Variants in ETV5 observed in about 807,000 individuals in gnomAD.
ETV5 encodes the protein ETS variant transcription factor 5, also known as ETS translocation variant 5.
ETV5 carries 10 observed loss-of-function variants against 70.0 expected under a neutral mutation model. The observed-to-expected ratio is 0.14, with a 90% CI of 0.09 to 0.24. ETV5 has a LOEUF of 0.24. Among genes scored for constraint, ETV5 ranks in the 10% least tolerant of loss-of-function variants. ETV5 has a pLI of 1.00. For synonymous variants in ETV5, 216 were observed against 242.2 expected, an observed-to-expected ratio of 0.89 and a Z score of 1.01; for missense variants, 453 against 651.2, an observed-to-expected ratio of 0.70 and a Z score of 3.31.
chr3:186,100,003 A>G (rs1462252722), intron 5 of ETV5, among the ~76,000 whole-genome samples: 1 of 152,220 alleles, frequency 6.6e-6, no homozygotes, highest in Non-Finnish European at 1.5e-5. Context: ...AGATTTTGTA[A>G]AACAGATGGC....
chr3:186,097,163 T>C (rs747346003), intron 5 of ETV5, among the ~76,000 whole-genome samples: 3 of 152,136 alleles, frequency 2.0e-5, no homozygotes, highest in Non-Finnish European at 2.9e-5. Flanking sequence ...AGGATGTTCA[T>C]TTTGGGAGGC....
intron 7 of ETV5, among the ~76,000 whole-genome samples, chr3:186,073,817 T>A (rs1238673419): frequency 6.6e-6 from 1 of 152,150 alleles, no homozygotes; most frequent in African/African-American, 2.4e-5. Flanking sequence ...AGCAATCACT[T>A]CTAAACAAGG....
chr3:186,081,376 T>C lies in ETV5; in HGVS notation c.233-201A>G, dbSNP rs757864293. On this transcript the variant is annotated intron_variant, in intron 5 of 12. Coordinates refer to ENST00000306376, the MANE Select transcript of ETV5 (RefSeq NM_004454.3). ...AAATTCTTCAAAGTCAGAAAAAGTA[T>C]CATCATCTGATACTTTTAATTAGCC... Among the ~76,000 whole-genome samples, 142 of 152,190 alleles carry C rather than the reference T, an allele frequency of 9.3e-4. 1 individual carries two copies. Among genetic ancestry groups the C allele is most frequent in the Non-Finnish European group, 2.5e-4 (17 of 68,024 alleles).
At chr3:186,099,055 C>G (rs555963088) in intron 5 of ETV5, among the ~76,000 whole-genome samples, 5 of 152,276 alleles carry the variant, frequency 3.3e-5, no homozygotes, top group African/African-American at 1.2e-4. Flanking sequence ...ATGCTTCTTT[C>G]TTTTTAAACA....
rs545575492 is a variant in ETV5, at chr3:186,079,705, AATG to A, written c.650+109_650+111del. On this transcript the variant is annotated intron_variant, in intron 7 of 12. Transcript: ENST00000306376. ...CTTGCCTCACAAGCTGCCTCAATGT[AATG>A]ATAACTTTTTAGGAACCTGGTAAAT... 343 of 1,150,882 alleles carry A rather than the reference AATG, an allele frequency of 3.0e-4. No homozygotes were observed. The African/African-American group carries it at 3.3e-3, about 11-fold the overall frequency. 71.3% of individuals were successfully genotyped at this position (1,150,882 alleles called of 1,614,324 possible).
At chr3:186,072,449 C>A (rs1713666416) in intron 7 of ETV5, among the ~76,000 whole-genome samples, 1 of 152,066 alleles carries the variant, frequency 6.6e-6, no homozygotes, top group Admixed American at 6.5e-5. Flanking sequence ...ACACACAAAC[C>A]ATGCACAAAT....
At chr3:186,068,274 A>G (rs1713501170) in intron 7 of ETV5, among the ~76,000 whole-genome samples, 1 of 152,232 alleles carries the variant, frequency 6.6e-6, no homozygotes, top group African/African-American at 2.4e-5. Context: ...AAGGTCTTGG[A>G]AAGGTATTTT....
chr3:186,087,325 A>G (rs1474473893), intron 5 of ETV5, among the ~76,000 whole-genome samples: 1 of 152,204 alleles, frequency 6.6e-6, no homozygotes, highest in Non-Finnish European at 1.5e-5. Context: ...GAAAGTCAGG[A>G]GGGAGGTTAC....
chr3:186,050,413 C>T (rs772639302), intron 12 of ETV5, among the ~76,000 whole-genome samples: 8 of 152,152 alleles, frequency 5.3e-5, no homozygotes, highest in Non-Finnish European at 1.0e-4. Flanking sequence ...TCTCCCCATG[C>T]TGGATGTGGA....
chr3:186,057,893 T>G lies in ETV5; in HGVS notation c.971-402A>C, dbSNP rs1411384877. On this transcript the variant is annotated intron_variant, in intron 9 of 12. Coordinates refer to ENST00000306376, the MANE Select transcript of ETV5 (RefSeq NM_004454.3). This position sits in a 1 kb window ranked among gnomAD's most constrained non-coding sequence, Gnocchi z 4.9. Reference sequence around the variant, plus strand: ...CTGTACACAGACCTGCCATTTTCCTTTTAGCTAAAATTAATTTCAACCTTT... The same window carrying G: ...CTGTACACAGACCTGCCATTTTCCTGTTAGCTAAAATTAATTTCAACCTTT... 6.6e-6 allele frequency among the ~76,000 whole-genome samples: 1 copy of G among 152,192 alleles called. No individual in the cohort carries two copies. Among genetic ancestry groups the G allele is most frequent in the Non-Finnish European group, 1.5e-5 (1 of 68,030 alleles).
At position 186,081,079 on chromosome 3, in the gene ETV5, G is replaced by T; in HGVS notation, c.329C>A (p.Ala110Asp). The T allele has an allele frequency of 1.2e-6, 2 of 1,613,426 alleles. No individual in the cohort carries two copies. Among genetic ancestry groups the T allele is most frequent in the Non-Finnish European group, 1.7e-6 (2 of 1,179,602 alleles). Residue 110 changes from alanine to aspartate, a missense_variant, in exon 6 of 13, where the codon GCT (alanine) becomes GAT (aspartate). This residue lies in a region of ETV5 where 307 missense variants were observed against 344.9 expected (regional missense o/e 0.89). Transcript: ENST00000306376. Reference sequence around the variant, plus strand: ...GTAGAGGCACTTTTCTCCATAGTTAGCACCAAGAGCCTGCTCATGGCTACA... The same window carrying T: ...GTAGAGGCACTTTTCTCCATAGTTATCACCAAGAGCCTGCTCATGGCTACA... ...SSCSHEQALG[A>D]NYGEKCLYNY...
chr3:186,088,712 C>G (rs769594213), intron 5 of ETV5, among the ~76,000 whole-genome samples: 1 of 152,106 alleles, frequency 6.6e-6, no homozygotes, highest in Non-Finnish European at 1.5e-5. Flanking sequence ...GAAAAATCCA[C>G]CAGGGAAGAG....
intron 5 of ETV5, among the ~76,000 whole-genome samples, chr3:186,097,710 G>A (rs1714337517): frequency 6.6e-6 from 1 of 152,172 alleles, no homozygotes; most frequent in Non-Finnish European, 1.5e-5. Context: ...GTTAAAGTGA[G>A]CACTTAAAAG....
rs900044409 is a variant in ETV5, at chr3:186,048,066, T to C, written c.*573A>G. ...GTTTATGATTTTGAGAACCACGGAG[T>C]GGGGAACAGCTGTTCTGACTGCCCC... is the stretch of plus-strand genomic sequence containing the variant. On this transcript the variant is annotated 3_prime_UTR_variant, in exon 13 of 13. Transcript: ENST00000306376. The C allele has an allele frequency of 8.1e-5, 19 of 233,440 alleles. No individual in the cohort carries two copies. The highest frequency in any genetic ancestry group is 1.4e-4 in the Non-Finnish European group (17 of 118,184). 14.5% of individuals were successfully genotyped at this position (233,440 alleles called of 1,614,324 possible).
At chr3:186,095,563 T>G (rs1417866707) in intron 5 of ETV5, among the ~76,000 whole-genome samples, 1 of 152,172 alleles carries the variant, frequency 6.6e-6, no homozygotes, top group Non-Finnish European at 1.5e-5. Flanking sequence ...TTCCCTTCTA[T>G]CTATAGCCCC....
intron 7 of ETV5, among the ~76,000 whole-genome samples, chr3:186,069,520 T>TAAA (rs142248661): frequency 8.1e-5 from 12 of 147,512 alleles, no homozygotes; most frequent in Non-Finnish European, 1.3e-4. Context: ...TTTTTTTTTT[T>TAAA]AAAAAAAGTC....
At chr3:186,089,258 A>C (rs1396426882) in intron 5 of ETV5, among the ~76,000 whole-genome samples, 1 of 152,252 alleles carries the variant, frequency 6.6e-6, no homozygotes, top group East Asian at 1.9e-4. Flanking sequence ...GTTTCCAAAA[A>C]CAAAAATTGA....
Position 186,081,106 on chromosome 3 carries a change from G to A in ETV5, c.302C>T (p.Ser101Phe). 1 of 1,613,882 alleles carries A rather than the reference G, an allele frequency of 6.2e-7. No homozygotes were observed. Among genetic ancestry groups the A allele is most frequent in the Non-Finnish European group, 8.5e-7 (1 of 1,179,850 alleles). Residue 101 changes from serine (S) to phenylalanine (F), a missense_variant, in exon 6 of 13, where the codon TCT (serine) becomes TTT (phenylalanine). Physicochemically the swap from Ser to Phe is radical, Grantham distance 155. Coordinates refer to ENST00000306376, the MANE Select transcript of ETV5 (RefSeq NM_004454.3). ...ACCAAGAGCCTGCTCATGGCTACAA[G>A]ACGACAGCTCAGAGGAGGGGCTGTG... is the stretch of plus-strand genomic sequence containing the variant. ...ELHSPSSELS[S>F]CSHEQALGAN...
intron 7 of ETV5, among the ~76,000 whole-genome samples, chr3:186,077,819 T>C (rs1237131052): frequency 2.0e-5 from 3 of 152,192 alleles, no homozygotes; most frequent in Non-Finnish European, 4.4e-5. Context: ...TTTGGTCACC[T>C]ACAGAATTCC....
Sources: gnomAD v4.1 joint callset for allele counts (sites outside exome capture counted in the v4.1 genomes callset) on GRCh38, gnomAD v4.1.1 for gene constraint, gnomAD v4.1.1 regional missense constraint, Gnocchi (gnomAD v3.1) non-coding constraint, MANE v1.5 for transcripts, NCBI Gene and HGNC (gene_info 2026-07-23, HGNC 2026-07-21) for gene names.